PDS5B: variants seen among roughly 807,000 people sequenced by gnomAD.
The protein encoded by PDS5B is sister chromatid cohesion protein PDS5 homolog B.
A neutral mutation model predicts 184.1 loss-of-function variants in PDS5B; 51 were observed. The ratio of observed to expected loss-of-function variants is 0.28; its 90% CI spans 0.22 to 0.35. PDS5B has a LOEUF of 0.35. Ranked by LOEUF, PDS5B falls within the 10% of genes least tolerant of loss-of-function variation. The pLI is 1.00. For missense variants in PDS5B, 1,180 were observed against 1,723.3 expected, an observed-to-expected ratio of 0.68 and a Z score of 5.58; for synonymous variants, 566 against 569.2, an observed-to-expected ratio of 0.99 and a Z score of 0.08.
chr13:32,752,456 T>TTTTGTTAGGCTTAGAGAGATAAAAA (rs1197793018), intron 24 of PDS5B, among the ~76,000 whole-genome samples: 7 of 152,192 alleles, frequency 4.6e-5, no homozygotes, highest in African/African-American at 1.7e-4. Flanking sequence ...GTGCCAGGTT[T>TTTTGTTAGGCTTAGAGAGATAAAAA]TTTGTTAGGC....
intron 24 of PDS5B, among the ~76,000 whole-genome samples, chr13:32,751,857 T>G (rs887627354): frequency 6.6e-6 from 1 of 152,214 alleles, no homozygotes; most frequent in Non-Finnish European, 1.5e-5. Context: ...AGCTCTTTAG[T>G]TTAGACTACT....
intron 13 of PDS5B, among the ~76,000 whole-genome samples, chr13:32,692,345 T>C (rs1294790469): frequency 6.6e-6 from 1 of 150,742 alleles, no homozygotes; most frequent in Non-Finnish European, 1.5e-5. Flanking sequence ...TTAGCGACAG[T>C]AGTAGAAGAT....
chr13:32,713,265 G>A (rs943054905), intron 19 of PDS5B, among the ~76,000 whole-genome samples: 4 of 152,152 alleles, frequency 2.6e-5, no homozygotes, highest in African/African-American at 2.4e-5. Flanking sequence ...TCAGTCATCC[G>A]GGAGATGCTA....
At chr13:32,728,212 A>G (rs940311625) in intron 19 of PDS5B, among the ~76,000 whole-genome samples, 4 of 151,340 alleles carry the variant, frequency 2.6e-5, no homozygotes, top group African/African-American at 7.3e-5. Context: ...ATTTATTCTA[A>G]CTTCTTGAGT....
intron 19 of PDS5B, among the ~76,000 whole-genome samples, chr13:32,712,988 C>T (rs1026861417): frequency 6.6e-6 from 1 of 152,156 alleles, no homozygotes; most frequent in Non-Finnish European, 1.5e-5. Context: ...TCCATTGTGT[C>T]TCAGCTTGTC....
At chr13:32,593,047 A>T (rs1462465521) in intron 1 of PDS5B, among the ~76,000 whole-genome samples, 2 of 152,214 alleles carry the variant, frequency 1.3e-5, no homozygotes, top group Non-Finnish European at 2.9e-5. Context: ...TGCAGCCATC[A>T]TCACAGTCTG....
At chr13:32,747,860 G>A (rs533170904) in intron 24 of PDS5B, among the ~76,000 whole-genome samples, 18 of 152,278 alleles carry the variant, frequency 1.2e-4, no homozygotes, top group African/African-American at 4.1e-4. Flanking sequence ...GCAAATACAA[G>A]AAATGGACTT....
chr13:32,734,161 G>A (rs1193432312), intron 20 of PDS5B, among the ~76,000 whole-genome samples: 1 of 151,966 alleles, frequency 6.6e-6, no homozygotes, highest in Non-Finnish European at 1.5e-5. Flanking sequence ...CTGAGTAGCT[G>A]GGACTACAGG....
At position 32,681,580 on chromosome 13, in the gene PDS5B, C is replaced by T. The variant is rs115883880; in HGVS notation, c.1058-2298C>T. 5.3e-5 allele frequency among the ~76,000 whole-genome samples: 8 copies of T among 151,480 alleles called. No individual in the cohort carries two copies. The South Asian group carries it at 8.3e-4, about 16-fold the overall frequency. Reference sequence around the variant, plus strand: ...CAGAGGTTGCAGTAAGCCGAGAGATCGCGCCACTGCACCCCAGCCTGGGCG... The same window carrying T: ...CAGAGGTTGCAGTAAGCCGAGAGATTGCGCCACTGCACCCCAGCCTGGGCG... On this transcript the variant is annotated intron_variant, in intron 10 of 34. Coordinates refer to ENST00000315596, the MANE Select transcript of PDS5B (RefSeq NM_015032.4).
intron 19 of PDS5B, among the ~76,000 whole-genome samples, chr13:32,719,791 C>G (rs1319321800): frequency 1.3e-5 from 2 of 150,838 alleles, no homozygotes; most frequent in Admixed American, 1.3e-4. Context: ...GACCCCCCCC[C>G]CTTTTTTTTT....
chr13:32,715,629 C>A (rs996971238), intron 19 of PDS5B, among the ~76,000 whole-genome samples: 1 of 151,640 alleles, frequency 6.6e-6, no homozygotes, highest in African/African-American at 2.4e-5. Context: ...GTGTAGCTCT[C>A]CCTCTCCCTC....
At chr13:32,606,042 T>C (rs1157689618) in intron 1 of PDS5B, among the ~76,000 whole-genome samples, 7 of 152,212 alleles carry the variant, frequency 4.6e-5, no homozygotes, top group African/African-American at 1.7e-4. Flanking sequence ...CTGTGTCTTT[T>C]AATTGGAGCA....
intron 8 of PDS5B, among the ~76,000 whole-genome samples, 166 bp downstream of exon 8, chr13:32,673,522 G>A (rs1214204377): frequency 6.6e-6 from 1 of 152,122 alleles, no homozygotes; most frequent in Non-Finnish European, 1.5e-5. Flanking sequence ...TGAATCTTTA[G>A]TGCCTGGCAG....
Position 32,612,310 on chromosome 13 carries a change from C to T in PDS5B, c.-20+25717C>T, listed in dbSNP as rs140140426. Reference sequence around the variant, plus strand: ...CTCGAACCCCTGACCTCAGGTGATCCACTCACCTCGGCCTCCCAAAGTGCT... The same window carrying T: ...CTCGAACCCCTGACCTCAGGTGATCTACTCACCTCGGCCTCCCAAAGTGCT... On this transcript the variant is annotated intron_variant, in intron 1 of 34. Coordinates refer to ENST00000315596, the MANE Select transcript of PDS5B (RefSeq NM_015032.4). 8.4e-3 allele frequency among the ~76,000 whole-genome samples: 1,285 copies of T among 152,210 alleles called. 20 individuals carry two copies. The highest frequency in any genetic ancestry group is 0.03 in the African/African-American group (1,241 of 41,516).
Position 32,739,601 on chromosome 13 carries a change from T to G in PDS5B, c.2407-1479T>G, listed in dbSNP as rs77608758. Among the ~76,000 whole-genome samples, 957 of 152,318 alleles carry G rather than the reference T, an allele frequency of 6.3e-3. 18 individuals carry two copies. Among genetic ancestry groups the G allele is most frequent in the African/African-American group, 0.022 (915 of 41,578 alleles). On this transcript the variant is annotated intron_variant, in intron 21 of 34. Transcript: ENST00000315596. ...TATTTCTGTATATTTACTTCCATTT[T>G]AGGTATTTATCCTTTTTCATCCTAA...
chr13:32,708,600 C>T (rs1008022094), intron 18 of PDS5B, among the ~76,000 whole-genome samples: 2 of 152,122 alleles, frequency 1.3e-5, no homozygotes, highest in African/African-American at 2.4e-5. Flanking sequence ...TGAAGGTACC[C>T]GTCTTTTTAA....
chr13:32,703,489 C>T (rs597860), intron 17 of PDS5B, among the ~76,000 whole-genome samples: 114,199 of 152,092 alleles, frequency 0.75, 44,101 homozygotes, highest in African/African-American at 0.94. Flanking sequence ...CCTGGTGTTA[C>T]TCTAAGAATT....
intron 19 of PDS5B, among the ~76,000 whole-genome samples, chr13:32,721,316 C>A (rs1452108583): frequency 1.4e-4 from 21 of 151,780 alleles, no homozygotes; most frequent in African/African-American, 4.8e-4. Flanking sequence ...GGGAACCCCC[C>A]ACCTCCCAGA....
intron 28 of PDS5B, among the ~76,000 whole-genome samples, 179 bp from the exon 29 acceptor site, chr13:32,759,449 G>C (rs1226746644): frequency 6.6e-6 from 1 of 152,184 alleles, no homozygotes; most frequent in Admixed American, 6.5e-5. Flanking sequence ...GTTAATATTA[G>C]AGTTGGCATG....
Sources: gnomAD v4.1 joint callset for allele counts (sites outside exome capture counted in the v4.1 genomes callset) on GRCh38, gnomAD v4.1.1 for gene constraint, MANE v1.5 for transcripts, NCBI Gene and HGNC (gene_info 2026-07-23, HGNC 2026-07-21) for gene names.